Variants in GRXCR1 observed in about 807,000 individuals in gnomAD.
GRXCR1 encodes glutaredoxin and cysteine rich domain containing 1.
A neutral mutation model predicts 27.3 loss-of-function variants in GRXCR1; 27 were observed. That is an observed-to-expected ratio of 0.99 (90% CI 0.73 to 1.37). The LOEUF (loss-of-function observed/expected upper bound fraction) is 1.37, where lower values mean the gene tolerates loss of function less well. GRXCR1 is among the 40% of genes most tolerant of loss of function. The probability of loss-of-function intolerance (pLI) is 0.00; values close to 1 mark genes in which losing one functional copy is unlikely to be tolerated. For missense variants in GRXCR1, 379 were observed against 354.4 expected, an observed-to-expected ratio of 1.07 and a Z score of -0.56; for synonymous variants, 122 against 131.1, an observed-to-expected ratio of 0.93 and a Z score of 0.47.
chr4:42,999,260 A>G (rs1365588377), intron 2 of GRXCR1, among the ~76,000 whole-genome samples: 1 of 152,224 alleles, frequency 6.6e-6, no homozygotes, highest in African/African-American at 2.4e-5. Context: ...TTCTCTGCAC[A>G]TCATACCTAC....
intron 2 of GRXCR1, among the ~76,000 whole-genome samples, chr4:42,976,161 G>A (rs1486974127): frequency 3.9e-5 from 6 of 152,090 alleles, no homozygotes; most frequent in African/African-American, 1.4e-4. Context: ...GTCAAAACCT[G>A]AGGCTTTAAT....
intron 1 of GRXCR1, among the ~76,000 whole-genome samples, chr4:42,955,237 T>G (rs2109771186): frequency 6.6e-6 from 1 of 151,966 alleles, no homozygotes; most frequent in South Asian, 2.1e-4. Context: ...AAAAAATATC[T>G]CTCCCTCACC....
intron 2 of GRXCR1, among the ~76,000 whole-genome samples, chr4:43,004,196 TG>T (rs1261920993): frequency 6.6e-6 from 1 of 152,248 alleles, no homozygotes; most frequent in Non-Finnish European, 1.5e-5. Flanking sequence ...CAAGCCTTGG[TG>T]GCATCCACAT....
rs547520417 is a variant in GRXCR1 at position 42,989,238 on chromosome 4, T to C, written c.627+26104T>C. 3.9e-4 allele frequency among the ~76,000 whole-genome samples: 59 copies of C among 152,310 alleles called. No individual in the cohort carries two copies. In the East Asian group the frequency reaches 0.011, roughly 27 times the overall value. ...AAGATCAAAGTTTTGGAAGATTTGG[T>C]TTCTCCTGAGGCCTCTCTTCTTGAC... On this transcript the variant is annotated intron_variant, in intron 2 of 3. Transcript: ENST00000399770.
chr4:42,895,788 C>T (rs758295185), intron 1 of GRXCR1, among the ~76,000 whole-genome samples: 2 of 151,858 alleles, frequency 1.3e-5, no homozygotes, highest in Non-Finnish European at 2.9e-5. Flanking sequence ...GTGTATATTC[C>T]CATAGGCATC....
chr4:42,944,903 T>C (rs758102226), intron 1 of GRXCR1, among the ~76,000 whole-genome samples: 1 of 152,152 alleles, frequency 6.6e-6, no homozygotes, highest in Non-Finnish European at 1.5e-5. Flanking sequence ...TGCTGGAATC[T>C]TGGTTGTATC....
Position 42,956,868 on chromosome 4 carries a change from G to A in GRXCR1, c.385-6024G>A, listed in dbSNP as rs76512187. On this transcript the variant is annotated intron_variant, in intron 1 of 3. Coordinates refer to ENST00000399770, the MANE Select transcript of GRXCR1 (RefSeq NM_001080476.3). Reference sequence around the variant, plus strand: ...TTTTGAAACGTAAACCAGGTTTAGTGCAACTCCTTCTATCCTTCCTAAAAC... The same window carrying A: ...TTTTGAAACGTAAACCAGGTTTAGTACAACTCCTTCTATCCTTCCTAAAAC... Among the ~76,000 whole-genome samples, 323 of 152,180 alleles carry A rather than the reference G, an allele frequency of 2.1e-3. 1 individual carries two copies. The highest frequency in any genetic ancestry group is 7.6e-3 in the African/African-American group (317 of 41,554).
intron 2 of GRXCR1, among the ~76,000 whole-genome samples, chr4:42,977,194 CA>C (rs560988297): frequency 2.0e-4 from 30 of 151,986 alleles, no homozygotes; most frequent in South Asian, 6.2e-4. Flanking sequence ...ATATATATTT[CA>C]CATTTTTTTA....
At chr4:42,896,362 T>A (rs754064453) in intron 1 of GRXCR1, among the ~76,000 whole-genome samples, 1 of 152,158 alleles carries the variant, frequency 6.6e-6, no homozygotes, top group Admixed American at 6.6e-5. Flanking sequence ...GTTTACCTTA[T>A]ATAATCCTGG....
At chr4:42,933,932 A>C (rs1747392236) in intron 1 of GRXCR1, among the ~76,000 whole-genome samples, 1 of 151,926 alleles carries the variant, frequency 6.6e-6, no homozygotes, top group Non-Finnish European at 1.5e-5. Context: ...AGTAAAGAGC[A>C]GGGCACGCCA....
chr4:42,999,282 G>A (rs1712273048), intron 2 of GRXCR1, among the ~76,000 whole-genome samples: 1 of 152,200 alleles, frequency 6.6e-6, no homozygotes, highest in Non-Finnish European at 1.5e-5. Flanking sequence ...AAGCATGTGT[G>A]TATAGAATTT....
At chr4:42,952,526 T>C (rs1022852671) in intron 1 of GRXCR1, among the ~76,000 whole-genome samples, 6 of 152,158 alleles carry the variant, frequency 3.9e-5, no homozygotes, top group African/African-American at 9.6e-5. Context: ...CCTTGACTAC[T>C]GTGAACTCTC....
chr4:42,893,975 G>T (rs1226595008), intron 1 of GRXCR1, among the ~76,000 whole-genome samples: 1 of 152,128 alleles, frequency 6.6e-6, no homozygotes, highest in East Asian at 1.9e-4. Context: ...TTTGAGCAAA[G>T]ATTAAAAGTT....
intron 2 of GRXCR1, among the ~76,000 whole-genome samples, chr4:42,992,930 A>G (rs1325985967): frequency 6.6e-6 from 1 of 152,032 alleles, no homozygotes; most frequent in African/African-American, 2.4e-5. Context: ...GTTTACATTA[A>G]CCAATTTGGG....
At chr4:42,988,232 G>T (rs1711843306) in intron 2 of GRXCR1, among the ~76,000 whole-genome samples, 1 of 152,096 alleles carries the variant, frequency 6.6e-6, no homozygotes, top group Non-Finnish European at 1.5e-5. Flanking sequence ...GAGAAAATAG[G>T]CAAGACCTAT....
At chr4:42,910,420 A>G (rs1560645768) in intron 1 of GRXCR1, among the ~76,000 whole-genome samples, 1 of 152,162 alleles carries the variant, frequency 6.6e-6, no homozygotes, top group Non-Finnish European at 1.5e-5. Flanking sequence ...AGGGAGATGC[A>G]TTTATGGACT....
chr4:43,009,993 T>C (rs1162135716), intron 2 of GRXCR1, among the ~76,000 whole-genome samples: 1 of 152,146 alleles, frequency 6.6e-6, no homozygotes, highest in East Asian at 1.9e-4. Flanking sequence ...GGGTATACAT[T>C]TCTCTGCTTC....
chr4:42,941,711 G>T (rs1394410675), intron 1 of GRXCR1, among the ~76,000 whole-genome samples: 1 of 151,928 alleles, frequency 6.6e-6, no homozygotes, highest in Non-Finnish European at 1.5e-5. Context: ...ACCATGGTGT[G>T]GGCCTTAGTT....
chr4:43,010,034 C>T (rs1437830862), intron 2 of GRXCR1, among the ~76,000 whole-genome samples: 1 of 152,038 alleles, frequency 6.6e-6, no homozygotes, highest in Non-Finnish European at 1.5e-5. Flanking sequence ...GTTGTACCTC[C>T]CTTTAGGTTG....
Sources: gnomAD v4.1 joint callset for allele counts (sites outside exome capture counted in the v4.1 genomes callset) on GRCh38, gnomAD v4.1.1 for gene constraint, MANE v1.5 for transcripts, NCBI Gene and HGNC (gene_info 2026-07-23, HGNC 2026-07-21) for gene names.